The following MRAS variants were observed in gnomAD, a reference collection of about 807,000 sequenced individuals.
MRAS encodes the protein ras-related protein M-Ras.
Under a neutral mutation model 20.9 loss-of-function variants are expected in MRAS, and 4 were observed. That is an observed-to-expected ratio of 0.19 (90% CI 0.09 to 0.44). The LOEUF (loss-of-function observed/expected upper bound fraction) is 0.44. MRAS is among the 20% of genes least tolerant of loss of function. The pLI is 0.99. For missense variants in MRAS, 154 were observed against 277.5 expected, an observed-to-expected ratio of 0.56 and a Z score of 3.16; for synonymous variants, 98 against 102.9, an observed-to-expected ratio of 0.95 and a Z score of 0.29.
intron 1 of MRAS, chr3:138,349,136 C>G (rs1441247349): frequency 2.6e-5 from 4 of 151,772 alleles, no homozygotes; most frequent in Admixed American, 2.6e-4. Flanking sequence ...TCTTTACCCC[C>G]CCGCCTTAAG....
chr3:138,353,065 G>A (rs1054309242), intron 1 of MRAS, among the ~76,000 whole-genome samples: 2 of 152,156 alleles, frequency 1.3e-5, no homozygotes, highest in African/African-American at 2.4e-5. Flanking sequence ...GTATTAAGTC[G>A]AGTCACACCC....
chr3:138,398,099 A>T (rs572280113), intron 3 of MRAS, among the ~76,000 whole-genome samples: 1 of 152,220 alleles, frequency 6.6e-6, no homozygotes, highest in Non-Finnish European at 1.5e-5. Flanking sequence ...TACGGTGGCC[A>T]TGCCTCTTGA....
intron 1 of MRAS, among the ~76,000 whole-genome samples, chr3:138,369,493 C>T (rs1326191726): frequency 3.9e-5 from 6 of 152,034 alleles, no homozygotes; most frequent in Non-Finnish European, 8.8e-5. Context: ...GGCTGCGGCA[C>T]GGGTGTGGCT....
At chr3:138,399,536 C>G (rs1426977575) in intron 4 of MRAS, among the ~76,000 whole-genome samples, 2 of 40,902 alleles carry the variant, frequency 4.9e-5, no homozygotes, top group African/African-American at 3.6e-4. Context: ...CAACAACTTA[C>G]TCTGTCGCCC....
chr3:138,385,936 A>G (rs953280064), intron 2 of MRAS, among the ~76,000 whole-genome samples: 1 of 152,226 alleles, frequency 6.6e-6, no homozygotes, highest in Non-Finnish European at 1.5e-5. Flanking sequence ...AACAGGTGGC[A>G]GGGACCTGGA....
intron 2 of MRAS, among the ~76,000 whole-genome samples, chr3:138,379,776 C>T (rs1356611174): frequency 1.3e-5 from 2 of 152,192 alleles, no homozygotes; most frequent in African/African-American, 4.8e-5. Flanking sequence ...GTGACTAGCG[C>T]TATGATAAAC....
At chr3:138,366,246 A>G (rs1373901196) in intron 1 of MRAS, among the ~76,000 whole-genome samples, 1 of 152,216 alleles carries the variant, frequency 6.6e-6, no homozygotes, top group African/African-American at 2.4e-5. Context: ...CACTCTCCCC[A>G]GCGTGTCCTC....
At chr3:138,390,927 TATC>T (rs1576379991) in intron 2 of MRAS, among the ~76,000 whole-genome samples, 1 of 152,282 alleles carries the variant, frequency 6.6e-6, no homozygotes, top group Non-Finnish European at 1.5e-5. Flanking sequence ...AATTTATTAT[TATC>T]AAACTGTGTA....
intron 2 of MRAS, among the ~76,000 whole-genome samples, chr3:138,394,584 C>T (rs1253699110): frequency 1.3e-5 from 2 of 152,202 alleles, no homozygotes; most frequent in Admixed American, 6.5e-5. Flanking sequence ...CTTGCCCCCT[C>T]TTCTCTTCTC....
At chr3:138,369,571 C>T (rs1433262125) in intron 1 of MRAS, among the ~76,000 whole-genome samples, 2 of 152,122 alleles carry the variant, frequency 1.3e-5, no homozygotes, top group East Asian at 1.9e-4. Context: ...GACTTTCCTC[C>T]TCAGCATTGT....
At chr3:138,349,907 G>A (rs1168196920) in intron 1 of MRAS, 1 of 152,134 alleles carries the variant, frequency 6.6e-6, no homozygotes, top group Non-Finnish European at 1.5e-5. Context: ...ACCTCCAGAA[G>A]GATTTTGTTT....
chr3:138,384,259 C>T (rs935877922), intron 2 of MRAS, among the ~76,000 whole-genome samples: 1 of 152,178 alleles, frequency 6.6e-6, no homozygotes, highest in African/African-American at 2.4e-5. Flanking sequence ...TCCTGCTGCG[C>T]TCCTGGCCTG....
chr3:138,352,147 G>A (rs1023425974), intron 1 of MRAS, among the ~76,000 whole-genome samples: 1 of 152,230 alleles, frequency 6.6e-6, no homozygotes, highest in Admixed American at 6.5e-5. Context: ...GGCAGTGCTG[G>A]CACTGCCTCA....
intron 2 of MRAS, among the ~76,000 whole-genome samples, chr3:138,379,518 C>G (rs1029192015): frequency 3.3e-5 from 5 of 152,002 alleles, no homozygotes; most frequent in Non-Finnish European, 7.4e-5. Flanking sequence ...CCAACACGCT[C>G]GGCTAATTTT....
At chr3:138,356,814 G>A (rs201604298) in intron 1 of MRAS, among the ~76,000 whole-genome samples, 2 of 152,310 alleles carry the variant, frequency 1.3e-5, no homozygotes, top group East Asian at 1.9e-4. Context: ...CAGCCCAGGA[G>A]AGGCCAGGTG....
chr3:138,364,082 G>T (rs748808640), intron 1 of MRAS, among the ~76,000 whole-genome samples: 2 of 152,140 alleles, frequency 1.3e-5, no homozygotes, highest in Non-Finnish European at 2.9e-5. Context: ...TTGCTTTCCT[G>T]GGACATTGCT....
At position 138,353,719 on chromosome 3, in the gene MRAS, C is replaced by T. The variant is rs556337679; in HGVS notation, c.-19+4952C>T. Among the ~76,000 whole-genome samples the T allele has an allele frequency of 1.8e-4, 28 of 152,352 alleles. No homozygotes were observed. In the South Asian group the frequency reaches 5.4e-3, roughly 29 times the overall value. ...TTGATCCATCTCTCCATCCATCTTTCCTTCAGCAAAGACTTGTGGGCTGGA... is the reference window on the plus strand; with the variant it reads ...TTGATCCATCTCTCCATCCATCTTTTCTTCAGCAAAGACTTGTGGGCTGGA... On this transcript the variant is annotated intron_variant, in intron 1 of 5. Transcript: ENST00000423968.
At chr3:138,397,198 C>T in intron 2 of MRAS, 126 bp from the exon 3 acceptor site, 1 of 1,138,526 alleles carries the variant, frequency 8.8e-7, no homozygotes, top group Non-Finnish European at 1.2e-6. Flanking sequence ...CTTATGCAGC[C>T]TCTCACGGGA....
Position 138,397,282 on chromosome 3 carries a change from G to A in MRAS, c.194-42G>A, listed in dbSNP as rs770556319. ...GTCTTGCAGGCTGTGGGGGCTACAG[G>A]GTAGGTGAGGACAGCCCCTGAGTGG... On this transcript the variant is annotated intron_variant, in intron 2 of 5. Transcript: ENST00000423968. 7 of 1,606,340 alleles carry A rather than the reference G, an allele frequency of 4.4e-6. No individual in the cohort carries two copies. In the South Asian group the frequency reaches 7.8e-5, roughly 18 times the overall value.
Sources: allele counts gnomAD v4.1 joint callset (sites outside exome capture counted in the v4.1 genomes callset), GRCh38; gene constraint gnomAD v4.1.1; transcripts MANE v1.5; gene names NCBI Gene and HGNC (gene_info 2026-07-23, HGNC 2026-07-21).